FRMD4B: variants seen among roughly 807,000 people sequenced by gnomAD.
FRMD4B encodes FERM domain-containing protein 4B.
FRMD4B carries 74 observed loss-of-function variants against 141.5 expected under a neutral mutation model. The ratio of observed to expected loss-of-function variants is 0.52; its 90% CI spans 0.43 to 0.63. FRMD4B has a LOEUF of 0.63. Among genes scored for constraint, FRMD4B ranks in the 30% least tolerant of loss-of-function variants. FRMD4B has a pLI of 0.00. For missense variants in FRMD4B, 1,366 were observed against 1,253.4 expected (o/e 1.09, Z -1.36); for synonymous variants, 506 against 467.9 (o/e 1.08, Z -1.05).
intron 1 of FRMD4B, among the ~76,000 whole-genome samples, chr3:69,540,656 T>C (rs371102231): frequency 0.17 from 12,826 of 74,346 alleles, 1,324 homozygotes; most frequent in East Asian, 0.58. Context: ...TATATATATA[T>C]ATATACACAC....
intron 1 of FRMD4B, among the ~76,000 whole-genome samples, chr3:69,528,075 C>A (rs2107147340): frequency 6.6e-6 from 1 of 152,252 alleles, no homozygotes; most frequent in East Asian, 1.9e-4. Context: ...TTCCAGAAAC[C>A]CACAGCCCAT....
At chr3:69,174,393 G>A (rs137995164) in intron 22 of FRMD4B, among the ~76,000 whole-genome samples, 200 of 152,264 alleles carry the variant, frequency 1.3e-3, no homozygotes, top group East Asian at 0.012. Context: ...ATGTAAAACT[G>A]TATGTACAAT....
chr3:69,249,986 T>A (rs754125398), intron 6 of FRMD4B, 57 bp downstream of exon 6: 4 of 1,142,258 alleles, frequency 3.5e-6, no homozygotes, highest in Non-Finnish European at 4.0e-6. Context: ...TTGCAGGCAG[T>A]TAACAAAAAC....
At chr3:69,272,582 T>TAC (rs145569036) in intron 5 of FRMD4B, among the ~76,000 whole-genome samples, 28 of 151,918 alleles carry the variant, frequency 1.8e-4, no homozygotes, top group African/African-American at 4.6e-4. Flanking sequence ...CGTATGTGTG[T>TAC]ACACACACAC....
At chr3:69,265,231 G>A (rs1308584091) in intron 5 of FRMD4B, among the ~76,000 whole-genome samples, 46 of 107,618 alleles carry the variant, frequency 4.3e-4, no homozygotes, top group South Asian at 7.3e-4. Flanking sequence ...CTCCAGCCTG[G>A]GCAACACAGC....
chr3:69,267,630 TATATATAGAG>T (rs2093572403), intron 5 of FRMD4B, among the ~76,000 whole-genome samples: 5 of 10,910 alleles, frequency 4.6e-4, no homozygotes, highest in African/African-American at 1.6e-3. Flanking sequence ...TATATATATA[TATATATAGAG>T]AGAGAGAGAG....
intron 1 of FRMD4B, among the ~76,000 whole-genome samples, chr3:69,442,495 G>A (rs1705357407): frequency 6.6e-6 from 1 of 152,068 alleles, no homozygotes; most frequent in East Asian, 1.9e-4. Context: ...CAGGGGTGGG[G>A]CCTTCATTTT....
At chr3:69,452,933 T>C (rs1705523444) in intron 1 of FRMD4B, among the ~76,000 whole-genome samples, 1 of 152,254 alleles carries the variant, frequency 6.6e-6, no homozygotes, top group Admixed American at 6.5e-5. Context: ...TACATATAGC[T>C]GACGTAAGTT....
intron 4 of FRMD4B, among the ~76,000 whole-genome samples, chr3:69,296,394 C>T (rs1169864232): frequency 1.3e-5 from 2 of 151,952 alleles, no homozygotes; most frequent in African/African-American, 2.4e-5. Flanking sequence ...CGAGCATGTG[C>T]TTCTGAGGAT....
At chr3:69,534,109 TG>T (rs2107162995) in intron 1 of FRMD4B, among the ~76,000 whole-genome samples, 1 of 152,344 alleles carries the variant, frequency 6.6e-6, no homozygotes, top group African/African-American at 2.4e-5. Flanking sequence ...CCAAGTGGTT[TG>T]TGTGCACCAA....
chr3:69,540,636 A>ATATATAT (rs869069411), intron 1 of FRMD4B, among the ~76,000 whole-genome samples: 1 of 69,568 alleles, frequency 1.4e-5, no homozygotes, highest in Non-Finnish European at 2.4e-5. Context: ...AAAAAAAAAA[A>ATATATAT]ATATATATAT....
At chr3:69,231,286 C>A (rs9849228) in intron 7 of FRMD4B, among the ~76,000 whole-genome samples, 1 of 152,096 alleles carries the variant, frequency 6.6e-6, no homozygotes, top group Admixed American at 6.6e-5. Context: ...TGTATTGCTG[C>A]ATCCTTTTTT....
At chr3:69,496,612 T>TGAGAGAGAAGAGA (rs1706393397) in intron 1 of FRMD4B, among the ~76,000 whole-genome samples, 1 of 88,152 alleles carries the variant, frequency 1.1e-5, no homozygotes, top group South Asian at 3.8e-4. Context: ...AGAGAGAGAG[T>TGAGAGAGAAGAGA]GAGAGAGAGA....
intron 1 of FRMD4B, among the ~76,000 whole-genome samples, chr3:69,522,421 T>C (rs555911499): frequency 2.6e-5 from 4 of 152,150 alleles, no homozygotes; most frequent in East Asian, 3.9e-4. Context: ...GGGCAAGGCA[T>C]AGAAAAAACA....
At chr3:69,475,568 G>C (rs1705979352) in intron 1 of FRMD4B, among the ~76,000 whole-genome samples, 1 of 152,076 alleles carries the variant, frequency 6.6e-6, no homozygotes, top group African/African-American at 2.4e-5. Flanking sequence ...AGTATTCCAT[G>C]GTGTATATGT....
At chr3:69,214,919 G>A (rs1290805476) in intron 11 of FRMD4B, among the ~76,000 whole-genome samples, 1 of 151,584 alleles carries the variant, frequency 6.6e-6, no homozygotes, top group Non-Finnish European at 1.5e-5. Context: ...TCACCCTGTC[G>A]CCCAGGCTGA....
rs78169450 is a variant in FRMD4B, at chr3:69,433,932, C to T, written c.-128-1171G>A. On this transcript the variant is annotated intron_variant, in intron 1 of 5. Coordinates refer to the FRMD4B transcript ENST00000459638. ...TGTTTTAGTCTAAGCCCCCACTTTA[C>T]AAATAAGATAAATGAGGTACAGAAA... Among the ~76,000 whole-genome samples the T allele has an allele frequency of 2.0e-4, 31 of 152,196 alleles. 1 individual carries two copies. The East Asian group carries it at 6.0e-3, about 29-fold the overall frequency.
At chr3:69,222,327 T>A (rs2093204073) in intron 8 of FRMD4B, among the ~76,000 whole-genome samples, 1 of 150,948 alleles carries the variant, frequency 6.6e-6, no homozygotes, top group Non-Finnish European at 1.5e-5. Context: ...ATTAGCTGAG[T>A]GTTGTGGCAT....
intron 2 of FRMD4B, among the ~76,000 whole-genome samples, chr3:69,427,054 C>T (rs1164710339): frequency 6.6e-6 from 1 of 151,974 alleles, no homozygotes; most frequent in Non-Finnish European, 1.5e-5. Context: ...CAGCCTGTCT[C>T]AGGTGTGCTG....
Sources: gnomAD v4.1 joint callset for allele counts (sites outside exome capture counted in the v4.1 genomes callset) on GRCh38, gnomAD v4.1.1 for gene constraint, MANE v1.5 for transcripts, NCBI Gene and HGNC (gene_info 2026-07-23, HGNC 2026-07-21) for gene names.